Variants in ADRA1A observed in about 807,000 individuals in gnomAD.
ADRA1A encodes the protein alpha-1A adrenergic receptor.
A neutral mutation model predicts 29.6 loss-of-function variants in ADRA1A; 31 were observed. The ratio of observed to expected loss-of-function variants is 1.05; its 90% CI spans 0.79 to 1.41. The LOEUF is 1.41. Ranked by LOEUF, ADRA1A falls within the 40% of genes most tolerant of loss-of-function variation. ADRA1A has a pLI of 0.00. For synonymous variants in ADRA1A, 311 were observed against 254.3 expected (o/e 1.22, Z -2.12); for missense variants, 619 against 601.1 (o/e 1.03, Z -0.31).
chr8:26,792,300 T>C (rs962088436), intron 2 of ADRA1A, among the ~76,000 whole-genome samples: 1 of 152,150 alleles, frequency 6.6e-6, no homozygotes, highest in Non-Finnish European at 1.5e-5. Flanking sequence ...ATTTCTGCTT[T>C]TGTTAATTAC....
chr8:26,856,740 C>A (rs982320975), intron 2 of ADRA1A, among the ~76,000 whole-genome samples: 1 of 152,208 alleles, frequency 6.6e-6, no homozygotes, highest in African/African-American at 2.4e-5. Context: ...ATTTTCAAGG[C>A]ACCATTTATG....
chr8:26,859,283 A>G (rs1021790217), intron 2 of ADRA1A: 1 of 968,488 alleles, frequency 1.0e-6, no homozygotes, highest in Non-Finnish European at 1.4e-6. Flanking sequence ...GACAGTTAAT[A>G]AAAAAACATA....
Position 26,825,417 on chromosome 8 carries a change from T to C in ADRA1A, c.883+38670A>G, listed in dbSNP as rs368087171. The stretch of plus-strand genomic sequence containing the variant: ...AGGGTGGGTAGGGAGGAAGATGGAG[T>C]TTCTTTGTTTTCTAATTCCGCCCTA... On this transcript the variant is annotated intron_variant, in intron 2 of 2. Transcript: ENST00000380573. This position sits in a 1 kb window ranked among gnomAD's most constrained non-coding sequence, Gnocchi z 5.7. Among the ~76,000 whole-genome samples the C allele has an allele frequency of 6.6e-6, 1 of 151,822 alleles. No individual in the cohort carries two copies. The highest frequency in any genetic ancestry group is 1.9e-4 in the East Asian group (1 of 5,168).
At position 26,865,530 on chromosome 8, in the gene ADRA1A, C is replaced by CCTGTCTCTT; in HGVS notation, c.-562_-561insAAGAGACAG. On this transcript the variant is annotated 5_prime_UTR_variant, in exon 2 of 3. An upstream start codon of the reference 5' UTR is lost. Coordinates refer to ENST00000380573, the MANE Select transcript of ADRA1A (RefSeq NM_000680.4). This position sits in a 1 kb window ranked among gnomAD's most constrained non-coding sequence, Gnocchi z 7.6. ...GCTGCTCCTGGCCCGCAGTTACCTA[C>CCTGTCTCTT]ATTTTGAGCTGCCCCACCGAAGGCT... is the stretch of plus-strand genomic sequence containing the variant. The CCTGTCTCTT allele has an allele frequency of 1.0e-6, 1 of 992,720 alleles. No individual in the cohort carries two copies. The highest frequency in any genetic ancestry group is 1.2e-6 in the Non-Finnish European group (1 of 834,504). 61.5% of individuals were successfully genotyped at this position (992,720 alleles called of 1,614,324 possible). A position where few individuals can be genotyped will look rare whatever the true frequency, so the allele number is the denominator to read the frequency against.
chr8:26,820,258 A>G (rs938432116), intron 2 of ADRA1A, among the ~76,000 whole-genome samples: 2 of 152,246 alleles, frequency 1.3e-5, no homozygotes, highest in African/African-American at 4.8e-5. Context: ...ACAGACGTAC[A>G]GAATATTTCA....
At chr8:26,792,082 G>A (rs1807877671) in intron 2 of ADRA1A, among the ~76,000 whole-genome samples, 1 of 152,078 alleles carries the variant, frequency 6.6e-6, no homozygotes, top group Admixed American at 6.6e-5. Context: ...CATGCTTGCT[G>A]GCTGATGAAT....
At chr8:26,783,277 C>T (rs1033333828) in intron 2 of ADRA1A, among the ~76,000 whole-genome samples, 9 of 152,110 alleles carry the variant, frequency 5.9e-5, no homozygotes, top group African/African-American at 1.9e-4. Flanking sequence ...GGTAGTAGAG[C>T]ATGGTAATCC....
chr8:26,865,079 C>T lies in ADRA1A; in HGVS notation c.-110G>A, dbSNP rs1021805502. On this transcript the variant is annotated 5_prime_UTR_variant, in exon 2 of 3. Coordinates refer to ENST00000380573, the MANE Select transcript of ADRA1A (RefSeq NM_000680.4). This position sits in a 1 kb window ranked among gnomAD's most constrained non-coding sequence, Gnocchi z 7.6. The stretch of plus-strand genomic sequence containing the variant: ...TCAAAAGGTCTCGGCTGGAGGGAGC[C>T]CTGCCAGGTGGGTTTGGCTGGGGGT... 1.2e-5 allele frequency: 18 copies of T among 1,502,594 alleles called. No individual in the cohort carries two copies. The highest frequency in any genetic ancestry group is 1.4e-5 in the Non-Finnish European group (16 of 1,136,584). 93.1% of individuals were successfully genotyped at this position (1,502,594 alleles called of 1,614,324 possible).
intron 2 of ADRA1A, among the ~76,000 whole-genome samples, chr8:26,819,847 A>C (rs982495040): frequency 6.6e-6 from 1 of 152,192 alleles, no homozygotes; most frequent in Non-Finnish European, 1.5e-5. Flanking sequence ...ATCCAAAAAC[A>C]TGCTGCCTAG....
In ADRA1A at chr8:26,864,080, G is replaced by T; in HGVS notation, c.883+7C>A. ...AGATGCTAAAGTGAGGGGTGTTCAAGACTTACCAATGGGCATGACTAAGAA... is the reference window on the plus strand; with the variant it reads ...AGATGCTAAAGTGAGGGGTGTTCAATACTTACCAATGGGCATGACTAAGAA... On this transcript the variant is annotated splice_region_variant and intron_variant, in intron 2 of 2. Coordinates refer to ENST00000380573, the MANE Select transcript of ADRA1A (RefSeq NM_000680.4). This position sits in a 1 kb window ranked among gnomAD's most constrained non-coding sequence, Gnocchi z 8.1. The T allele has an allele frequency of 6.2e-7, 1 of 1,610,056 alleles. No individual in the cohort carries two copies. Among genetic ancestry groups the T allele is most frequent in the Non-Finnish European group, 8.5e-7 (1 of 1,178,108 alleles).
intron 2 of ADRA1A, among the ~76,000 whole-genome samples, chr8:26,827,246 A>G (rs1810641738): frequency 6.6e-6 from 1 of 152,248 alleles, no homozygotes. Context: ...ACATAGCTAT[A>G]ATCATAATGT....
intron 2 of ADRA1A, among the ~76,000 whole-genome samples, chr8:26,750,705 C>G (rs563425216): frequency 5.3e-5 from 8 of 152,200 alleles, no homozygotes; most frequent in Non-Finnish European, 8.8e-5. Flanking sequence ...GTATAGGAAA[C>G]CCTGAGACAG....
At chr8:26,816,967 A>G (rs1296406729) in intron 2 of ADRA1A, among the ~76,000 whole-genome samples, 1 of 152,236 alleles carries the variant, frequency 6.6e-6, no homozygotes, top group African/African-American at 2.4e-5. Flanking sequence ...GAGTTAGTCA[A>G]GGATTCTGGG....
chr8:26,834,593 TA>T (rs1356321671), intron 2 of ADRA1A, among the ~76,000 whole-genome samples: 2 of 152,188 alleles, frequency 1.3e-5, no homozygotes, highest in Admixed American at 1.3e-4. Context: ...TCATGAGTGT[TA>T]TTTAGCCTTG....
intron 2 of ADRA1A, chr8:26,779,156 T>C (rs1349929459): frequency 3.4e-6 from 2 of 595,974 alleles, no homozygotes; most frequent in Admixed American, 3.0e-5. Flanking sequence ...TGCTTTCCAA[T>C]GGTAGGAGAC....
chr8:26,834,523 T>C (rs1213539447), intron 2 of ADRA1A, among the ~76,000 whole-genome samples: 1 of 152,234 alleles, frequency 6.6e-6, no homozygotes, highest in East Asian at 1.9e-4. Flanking sequence ...ATTCAGCCAT[T>C]TCTGATGTTT....
Position 26,768,882 on chromosome 8 carries a change from C to T in ADRA1A, c.*1267G>A, listed in dbSNP as rs1407024988. 1.0e-6 allele frequency: 1 copy of T among 985,262 alleles called. No individual in the cohort carries two copies. Among genetic ancestry groups the T allele is most frequent in the African/African-American group, 1.7e-5 (1 of 57,222 alleles). 61.0% of individuals were successfully genotyped at this position (985,262 alleles called of 1,614,324 possible). ...ATATAGCATGTTCCCCAAGCTCTTG[C>T]AGAAAAGTAGGAATAGATGAAGTTG... On this transcript the variant is annotated 3_prime_UTR_variant, in exon 3 of 3. Coordinates refer to ENST00000380573, the MANE Select transcript of ADRA1A (RefSeq NM_000680.4).
At chr8:26,826,100 G>A (rs1348007618) in intron 2 of ADRA1A, among the ~76,000 whole-genome samples, 1 of 152,210 alleles carries the variant, frequency 6.6e-6, no homozygotes, top group Non-Finnish European at 1.5e-5. Context: ...GCCCCTCAAA[G>A]CTCAGCTCAA....
downstream of ADRA1A, chr8:26,766,093 C>A (rs779228979): frequency 1.2e-6 from 2 of 1,613,844 alleles, no homozygotes; most frequent in Non-Finnish European, 1.7e-6. Context: ...TCATAAAATT[C>A]ACATGCTTGA....
Sources: allele counts gnomAD v4.1 joint callset (sites outside exome capture counted in the v4.1 genomes callset), GRCh38; gene constraint gnomAD v4.1.1; non-coding constraint Gnocchi (gnomAD v3.1); transcripts MANE v1.5; gene names NCBI Gene and HGNC (gene_info 2026-07-23, HGNC 2026-07-21).